Variants in RANBP2 observed in about 807,000 individuals in gnomAD.
RANBP2 encodes E3 SUMO-protein ligase RanBP2.
In RANBP2, 57 loss-of-function variants were observed where a neutral mutation model predicts 303.6. The observed-to-expected ratio is 0.19, with a 90% CI of 0.15 to 0.23. The LOEUF (loss-of-function observed/expected upper bound fraction) is 0.23. RANBP2 is among the 10% of genes least tolerant of loss of function. RANBP2 has a pLI of 1.00. For synonymous variants in RANBP2, 1,167 were observed against 1,301.5 expected (o/e 0.90, Z 2.23); for missense variants, 3,138 against 3,780.8 (o/e 0.83, Z 4.46).
the RANBP2 span, among the ~76,000 whole-genome samples, chr2:109,582,030 G>A: frequency 1.3e-5 from 2 of 151,150 alleles, no homozygotes; most frequent in Admixed American, 1.3e-4. Context: ...TATCAATAAT[G>A]GTCAAGCTGA....
chr2:109,086,520 C>T, the RANBP2 span, among the ~76,000 whole-genome samples: 55 of 152,244 alleles, frequency 3.6e-4, no homozygotes, highest in African/African-American at 1.3e-3. Context: ...AGGGACAGAC[C>T]CTCATGGCAA....
the RANBP2 span, among the ~76,000 whole-genome samples, chr2:108,956,784 C>CTTTTT: frequency 2.2e-4 from 27 of 123,578 alleles, no homozygotes; most frequent in African/African-American, 9.8e-4. Flanking sequence ...CGAAAGCTCT[C>CTTTTT]TTTTTTTTTT....
At chr2:108,908,233 A>G in the RANBP2 span, among the ~76,000 whole-genome samples, 3,350 of 152,096 alleles carry the variant, frequency 0.022, 113 homozygotes, top group African/African-American at 0.077. Context: ...CAAACAAACA[A>G]GTCCGTGGTG....
chr2:108,860,962 TGGTAAGGTAAGGA>T, the RANBP2 span, among the ~76,000 whole-genome samples: 1 of 142,474 alleles, frequency 7.0e-6, no homozygotes, highest in Admixed American at 6.9e-5. Flanking sequence ...TTTTTTTGGT[TGGTAAGGTAAGGA>T]TTCAATTTTG....
At chr2:108,976,518 A>T in the RANBP2 span, among the ~76,000 whole-genome samples, 1 of 152,268 alleles carries the variant, frequency 6.6e-6, no homozygotes, top group East Asian at 1.9e-4. Flanking sequence ...GGCGGAGCGC[A>T]CACTTAAGGG....
the RANBP2 span, among the ~76,000 whole-genome samples, chr2:109,183,511 A>T: frequency 6.6e-6 from 1 of 152,166 alleles, no homozygotes; most frequent in Non-Finnish European, 1.5e-5. Context: ...TGGCCTTTTG[A>T]AGGCTGTGCC....
the RANBP2 span, among the ~76,000 whole-genome samples, chr2:109,240,666 A>T: frequency 6.6e-6 from 1 of 152,046 alleles, no homozygotes; most frequent in African/African-American, 2.4e-5. Context: ...ATTTCACACG[A>T]ACCAGAGAGG....
chr2:109,306,881 G>A, the RANBP2 span, among the ~76,000 whole-genome samples: 6 of 152,222 alleles, frequency 3.9e-5, no homozygotes, highest in Non-Finnish European at 8.8e-5. Context: ...TTGGTTCAAC[G>A]GGTGTGCGGT....
At chr2:108,856,081 A>G in the RANBP2 span, among the ~76,000 whole-genome samples, 3 of 152,170 alleles carry the variant, frequency 2.0e-5, no homozygotes, top group African/African-American at 7.2e-5. Flanking sequence ...TAATGATGCA[A>G]GTATCTTACT....
At chr2:109,601,627 T>C in the RANBP2 span, among the ~76,000 whole-genome samples, 1 of 152,232 alleles carries the variant, frequency 6.6e-6, no homozygotes, top group African/African-American at 2.4e-5. Flanking sequence ...ACTCTTTGCT[T>C]GTCATGTGTA....
chr2:109,187,177 C>T, the RANBP2 span, among the ~76,000 whole-genome samples: 1 of 152,222 alleles, frequency 6.6e-6, no homozygotes, highest in Admixed American at 6.5e-5. Context: ...GTCGTCATTA[C>T]AAGAAAGTAT....
intron 23 of RANBP2, among the ~76,000 whole-genome samples, chr2:108,773,804 G>T (rs1009216405): frequency 6.6e-6 from 1 of 151,994 alleles, no homozygotes; most frequent in African/African-American, 2.4e-5. Context: ...GCGCCACCAC[G>T]CCCAGCTAAT....
At chr2:109,595,896 T>C in the RANBP2 span, among the ~76,000 whole-genome samples, 6 of 152,334 alleles carry the variant, frequency 3.9e-5, 1 homozygote, top group African/African-American at 1.4e-4. Context: ...GAACATTCCA[T>C]GCTTGTCGTT....
chr2:109,071,233 G>A, the RANBP2 span, among the ~76,000 whole-genome samples: 1 of 152,096 alleles, frequency 6.6e-6, no homozygotes, highest in Non-Finnish European at 1.5e-5. Flanking sequence ...TAATGGAAAA[G>A]GTAAATTCAA....
the RANBP2 span, among the ~76,000 whole-genome samples, chr2:109,134,121 A>G: frequency 1.3e-5 from 2 of 152,342 alleles, no homozygotes; most frequent in East Asian, 1.9e-4. Flanking sequence ...GCACTTTGAC[A>G]TATATCACCT....
the RANBP2 span, among the ~76,000 whole-genome samples, chr2:109,592,041 C>A: frequency 2.0e-5 from 3 of 152,192 alleles, no homozygotes; most frequent in African/African-American, 7.2e-5. Context: ...AAACCCCTCC[C>A]CACAGACCCT....
the RANBP2 span, among the ~76,000 whole-genome samples, chr2:109,377,251 C>A: frequency 3.6e-4 from 55 of 152,268 alleles, no homozygotes; most frequent in Admixed American, 6.5e-4. Flanking sequence ...GGGTGCTGGA[C>A]CTCCGTGGGC....
At chr2:109,392,503 C>T in the RANBP2 span, among the ~76,000 whole-genome samples, 1 of 151,988 alleles carries the variant, frequency 6.6e-6, no homozygotes, top group African/African-American at 2.4e-5. Flanking sequence ...GTCACCAGGC[C>T]CCTTGCTTCT....
the RANBP2 span, among the ~76,000 whole-genome samples, chr2:108,905,736 G>A: frequency 3.3e-5 from 5 of 152,188 alleles, no homozygotes; most frequent in African/African-American, 1.2e-4. Context: ...GCAGGAACTG[G>A]AAGCTGAGGA....
Sources: allele counts gnomAD v4.1 joint callset (sites outside exome capture counted in the v4.1 genomes callset), GRCh38; gene constraint gnomAD v4.1.1; transcripts MANE v1.5; gene names NCBI Gene and HGNC (gene_info 2026-07-23, HGNC 2026-07-21).